The following CTNNA3 variants were observed in gnomAD, a reference collection of about 807,000 sequenced individuals.
CTNNA3 encodes the protein catenin alpha-3.
A neutral mutation model predicts 95.7 loss-of-function variants in CTNNA3; 76 were observed. The ratio of observed to expected loss-of-function variants is 0.79; its 90% CI spans 0.66 to 0.96. CTNNA3 has a LOEUF of 0.96. Among genes scored for constraint, CTNNA3 ranks in the 40% least tolerant of loss-of-function variants. CTNNA3 has a pLI of 0.00. For synonymous variants in CTNNA3, 431 were observed against 374.4 expected (o/e 1.15, Z -1.74); for missense variants, 1,191 against 1,089.8 (o/e 1.09, Z -1.31).
At chr10:66,741,716 A>T (rs1225957280) in intron 9 of CTNNA3, among the ~76,000 whole-genome samples, 1 of 152,182 alleles carries the variant, frequency 6.6e-6, no homozygotes, top group East Asian at 1.9e-4. Flanking sequence ...AATTGTGAAG[A>T]TTTCATGGAC....
intron 7 of CTNNA3, among the ~76,000 whole-genome samples, chr10:66,915,647 A>G (rs1236314924): frequency 6.6e-6 from 1 of 151,596 alleles, no homozygotes; most frequent in Non-Finnish European, 1.5e-5. Context: ...GCTGCAGGCA[A>G]ATAGGATTAT....
intron 11 of CTNNA3, among the ~76,000 whole-genome samples, chr10:66,473,367 C>T (rs187353693): frequency 2.0e-5 from 3 of 151,988 alleles, no homozygotes; most frequent in Admixed American, 1.3e-4. Flanking sequence ...GCTCCTCATG[C>T]TTCTCTCTCC....
At chr10:67,252,240 C>T (rs1320744962) in intron 5 of CTNNA3, among the ~76,000 whole-genome samples, 1 of 149,120 alleles carries the variant, frequency 6.7e-6, no homozygotes, top group Non-Finnish European at 1.5e-5. Context: ...AAAAAAAGAC[C>T]TAAGGACTAA....
At chr10:66,868,974 C>T (rs112343686) in intron 7 of CTNNA3, among the ~76,000 whole-genome samples, 8 of 152,092 alleles carry the variant, frequency 5.3e-5, no homozygotes, top group East Asian at 1.9e-4. Flanking sequence ...AAATAAGAGA[C>T]AAAATGTAAA....
intron 15 of CTNNA3, among the ~76,000 whole-genome samples, chr10:66,006,028 T>TC (rs2078873008): frequency 7.0e-6 from 1 of 143,318 alleles, no homozygotes; most frequent in South Asian, 2.2e-4. Context: ...TTTTTTTTTT[T>TC]CCGAGAGGGA....
intron 9 of CTNNA3, among the ~76,000 whole-genome samples, chr10:66,641,872 G>A (rs1235024153): frequency 6.6e-6 from 1 of 151,944 alleles, no homozygotes; most frequent in Non-Finnish European, 1.5e-5. Context: ...TCCTTGCTAG[G>A]GACTCTGTAA....
intron 5 of CTNNA3, among the ~76,000 whole-genome samples, chr10:67,406,962 G>T (rs1045133477): frequency 8.5e-5 from 13 of 152,104 alleles, no homozygotes; most frequent in Admixed American, 7.2e-4. Context: ...TAACCAGATG[G>T]ATTCACCGCT....
intron 8 of CTNNA3, among the ~76,000 whole-genome samples, chr10:66,773,346 A>T (rs1481721302): frequency 6.6e-6 from 1 of 152,188 alleles, no homozygotes; most frequent in African/African-American, 2.4e-5. Context: ...GCATTCTCTG[A>T]CTTTGGAGCT....
At chr10:66,445,193 A>G (rs1324165679) in intron 11 of CTNNA3, among the ~76,000 whole-genome samples, 5 of 97,472 alleles carry the variant, frequency 5.1e-5, no homozygotes, top group Non-Finnish European at 4.3e-5. Flanking sequence ...TGACCTACAA[A>G]GAGACTTAGA....
intron 7 of CTNNA3, chr10:67,177,090 T>G (rs1210258668): frequency 4.9e-6 from 2 of 405,072 alleles, no homozygotes; most frequent in African/African-American, 2.1e-5. Context: ...TCCACTCATA[T>G]AAATTTAACA....
At chr10:66,019,490 G>C (rs1300387556) in intron 15 of CTNNA3, among the ~76,000 whole-genome samples, 1 of 152,052 alleles carries the variant, frequency 6.6e-6, no homozygotes, top group African/African-American at 2.4e-5. Context: ...GCATTCCCAA[G>C]TTCGTCTTCT....
intron 13 of CTNNA3, among the ~76,000 whole-genome samples, chr10:66,157,488 TATGTA>T (rs2084590392): frequency 2.0e-5 from 2 of 102,080 alleles, no homozygotes; most frequent in African/African-American, 7.9e-5. Flanking sequence ...GATAGATAGA[TATGTA>T]GATAGATAGA....
chr10:66,132,501 A>G (rs1256117824), intron 13 of CTNNA3, among the ~76,000 whole-genome samples: 1 of 152,162 alleles, frequency 6.6e-6, no homozygotes, highest in Admixed American at 6.5e-5. Flanking sequence ...GATTCCTCAA[A>G]GATCTCAAAA....
At chr10:66,027,891 A>T (rs2079373090) in intron 15 of CTNNA3, among the ~76,000 whole-genome samples, 1 of 152,212 alleles carries the variant, frequency 6.6e-6, no homozygotes, top group Admixed American at 6.6e-5. Flanking sequence ...TGGAAAGCAT[A>T]TTCTAAGAAT....
Position 66,472,325 on chromosome 10 carries a change from C to G in CTNNA3, c.1531+48292G>C, listed in dbSNP as rs533420576. Among the ~76,000 whole-genome samples the G allele has an allele frequency of 2.0e-5, 3 of 151,910 alleles. No individual in the cohort carries two copies. The South Asian group carries it at 6.2e-4, about 32-fold the overall frequency. ...AGTGTGTTCTACAGCAAAGACATCT[C>G]CCCTGTAGACTCTGGAACATTCTGT... On this transcript the variant is annotated intron_variant, in intron 11 of 17. Transcript: ENST00000433211.
chr10:66,985,936 C>T (rs574454339), intron 7 of CTNNA3, among the ~76,000 whole-genome samples: 114 of 152,172 alleles, frequency 7.5e-4, no homozygotes, highest in African/African-American at 2.7e-3. Flanking sequence ...CCATGTTGGC[C>T]AGGATGGTCT....
intron 5 of CTNNA3, among the ~76,000 whole-genome samples, chr10:67,415,724 TTACAC>T (rs1845516915): frequency 6.6e-6 from 1 of 152,108 alleles, no homozygotes; most frequent in Non-Finnish European, 1.5e-5. Flanking sequence ...GACAGAGACA[TTACAC>T]TACCCAACAT....
At chr10:67,595,725 AG>A (rs1425358437) in intron 3 of CTNNA3, among the ~76,000 whole-genome samples, 2 of 152,134 alleles carry the variant, frequency 1.3e-5, no homozygotes, top group Non-Finnish European at 2.9e-5. Context: ...TTCTGTCAGT[AG>A]GGTGTTGAAG....
intron 15 of CTNNA3, among the ~76,000 whole-genome samples, chr10:66,054,098 T>C (rs2080021639): frequency 6.6e-6 from 1 of 152,208 alleles, no homozygotes; most frequent in Non-Finnish European, 1.5e-5. Context: ...ATTGTGTATA[T>C]GTACCACAAT....
Sources: allele counts gnomAD v4.1 joint callset (sites outside exome capture counted in the v4.1 genomes callset), GRCh38; gene constraint gnomAD v4.1.1; transcripts MANE v1.5; gene names NCBI Gene and HGNC (gene_info 2026-07-23, HGNC 2026-07-21).